The following PCNX1 variants were observed in gnomAD, a reference collection of about 807,000 sequenced individuals.
PCNX1 encodes the protein pecanex 1.
PCNX1 carries 78 observed loss-of-function variants against 242.2 expected under a neutral mutation model. That is an observed-to-expected ratio of 0.32 (90% confidence interval 0.27 to 0.39). The LOEUF (loss-of-function observed/expected upper bound fraction) is 0.39. PCNX1 is among the 10% of genes least tolerant of loss of function. PCNX1 has a pLI of 1.00. For synonymous variants in PCNX1, 1,024 were observed against 1,032.9 expected, an observed-to-expected ratio of 0.99 and a Z score of 0.17; for missense variants, 2,581 against 2,856.5, an observed-to-expected ratio of 0.90 and a Z score of 2.20.
intron 2 of PCNX1, among the ~76,000 whole-genome samples, chr14:70,947,347 A>G (rs149352356): frequency 0.011 from 1,703 of 152,276 alleles, 14 homozygotes; most frequent in South Asian, 0.017. Context: ...TCATTACTAG[A>G]CAGGTTAGAA....
At chr14:71,008,502 A>G (rs1490391131) in intron 8 of PCNX1, among the ~76,000 whole-genome samples, 1 of 151,860 alleles carries the variant, frequency 6.6e-6, no homozygotes, top group Non-Finnish European at 1.5e-5. Flanking sequence ...TAAAAATACG[A>G]AAAATTAGCC....
At chr14:70,937,938 T>G (rs2057078048) in intron 1 of PCNX1, among the ~76,000 whole-genome samples, 1 of 151,952 alleles carries the variant, frequency 6.6e-6, no homozygotes, top group Admixed American at 6.6e-5. Context: ...CTCTGTCTGT[T>G]ATTGGTATAT....
At chr14:71,102,248 C>A in intron 31 of PCNX1, 28 bp downstream of exon 31, 2 of 1,523,894 alleles carry the variant, frequency 1.3e-6, no homozygotes, top group Non-Finnish European at 9.1e-7. Flanking sequence ...TTATTTGGTC[C>A]AAAACATAGA....
In PCNX1 at chr14:71,026,132, A is replaced by G. The variant is rs376253730; in HGVS notation, c.3199A>G (p.Ile1067Val). 47 of 1,587,534 alleles carry G rather than the reference A, an allele frequency of 3.0e-5. 1 individual carries two copies. The highest frequency in any genetic ancestry group is 3.9e-5 in the Non-Finnish European group (45 of 1,166,954). Reference protein sequence around the residue: ...SSPRHGHNRIIAYSRPVYFCI... With the variant: ...SSPRHGHNRIVAYSRPVYFCI... ...TCATTTTCAGGGTCATAATCGTATCATTGCCTACAGTAGACCAGTTTATTT... is the reference window on the plus strand; with the variant it reads ...TCATTTTCAGGGTCATAATCGTATCGTTGCCTACAGTAGACCAGTTTATTT... Residue 1067 changes from isoleucine to valine, a missense_variant, in exon 14 of 36, where the codon ATT becomes GTT. By Grantham distance (29) the Ile-to-Val change is conservative. This residue lies in a region of PCNX1 where 432 missense variants were observed against 443.1 expected (regional missense o/e 0.97). Coordinates refer to ENST00000304743, the MANE Select transcript of PCNX1 (RefSeq NM_014982.3).
At chr14:70,919,692 TCCTCTGGTTTCTCTGCTCCCCCCCCCCC>T (rs1389134896) in intron 1 of PCNX1, among the ~76,000 whole-genome samples, 2 of 122,388 alleles carry the variant, frequency 1.6e-5, no homozygotes, top group African/African-American at 6.3e-5. Flanking sequence ...TGATTCTGGT[TCCTCTGGTTTCTCTGCTCCCCCCCCCCC>T]CCCCCCCCCA....
intron 28 of PCNX1, among the ~76,000 whole-genome samples, chr14:71,085,080 C>G (rs2061950942): frequency 1.3e-5 from 2 of 152,234 alleles, no homozygotes; most frequent in African/African-American, 4.8e-5. Context: ...ATCACAGCTT[C>G]CCTTGGCTAG....
intron 16 of PCNX1, chr14:71,031,716 C>G (rs1683929719): frequency 1.0e-6 from 1 of 999,680 alleles, no homozygotes; most frequent in Non-Finnish European, 1.6e-6. Context: ...GGCCTTTGGC[C>G]TTGAACTCTG....
At position 71,047,990 on chromosome 14, in the gene PCNX1, T is replaced by C; in HGVS notation, c.4338+6T>C. Reference sequence around the variant, plus strand: ...TGTCCATACTCTTCAACAAGGTAATTTATCACTGAAAGGAATATCCTTATC... The same window carrying C: ...TGTCCATACTCTTCAACAAGGTAATCTATCACTGAAAGGAATATCCTTATC... On this transcript the variant is annotated splice_donor_region_variant and intron_variant, in intron 22 of 35. Coordinates refer to ENST00000304743, the MANE Select transcript of PCNX1 (RefSeq NM_014982.3). 1 of 1,600,428 alleles carries C rather than the reference T, an allele frequency of 6.2e-7. No homozygotes were observed. The highest frequency in any genetic ancestry group is 8.5e-7 in the Non-Finnish European group (1 of 1,169,824).
At chr14:71,093,433 G>A (rs567496416) in intron 30 of PCNX1, 50 of 152,282 alleles carry the variant, frequency 3.3e-4, no homozygotes, top group African/African-American at 1.2e-3. Flanking sequence ...ATGGAGATGA[G>A]TGCTTCCAAA....
chr14:70,983,186 A>AG (rs1320305111), intron 6 of PCNX1, among the ~76,000 whole-genome samples: 1 of 152,244 alleles, frequency 6.6e-6, no homozygotes, highest in Non-Finnish European at 1.5e-5. Flanking sequence ...AGGACTAAAA[A>AG]GGATTAGAAA....
chr14:71,084,554 G>GGAATCCAGAGAGGCA (rs201539212), intron 28 of PCNX1, among the ~76,000 whole-genome samples: 2,162 of 152,312 alleles, frequency 0.014, 23 homozygotes, highest in Middle Eastern at 0.034. Flanking sequence ...CCAGAGAGGA[G>GGAATCCAGAGAGGCA]GAATCCAGAG....
intron 30 of PCNX1, among the ~76,000 whole-genome samples, chr14:71,094,608 A>T (rs926486931): frequency 6.6e-6 from 1 of 151,286 alleles, no homozygotes; most frequent in African/African-American, 2.5e-5. Context: ...AACCTTATGG[A>T]TTACATGTGC....
Position 70,908,010 on chromosome 14 carries a change from G to T in PCNX1, c.153+7G>T. The T allele has an allele frequency of 6.4e-7, 1 of 1,571,060 alleles. No individual in the cohort carries two copies. Among genetic ancestry groups the T allele is most frequent in the Non-Finnish European group, 8.6e-7 (1 of 1,162,024 alleles). ...GCCCTTCACCCTCTACATGGTGAGTGTGGGGGCGGGGAGCGGGTGGCTCCT... is the reference window on the plus strand; with the variant it reads ...GCCCTTCACCCTCTACATGGTGAGTTTGGGGGCGGGGAGCGGGTGGCTCCT... On this transcript the variant is annotated splice_region_variant and intron_variant, in intron 1 of 35. Transcript: ENST00000304743.
rs755564889 is a variant in PCNX1, at chr14:71,013,121, A to G, written c.2915A>G (p.His972Arg). Residue 972 changes from histidine (H) to arginine (R), a missense_variant, in exon 11 of 36, where the codon CAC (histidine) becomes CGC (arginine). His to Arg is a conservative substitution (Grantham distance 29). Coordinates refer to ENST00000304743, the MANE Select transcript of PCNX1 (RefSeq NM_014982.3). ...PTEEAAQKVK[H>R]YYRFWILPQL... ...GAAGAAGCTGCCCAAAAGGTTAAAC[A>G]CTATTATCGCTTTTGGATCCTACCC... 6 of 1,614,068 alleles carry G rather than the reference A, an allele frequency of 3.7e-6. No individual in the cohort carries two copies. The highest frequency in any genetic ancestry group is 2.2e-5 in the South Asian group (2 of 91,086).
intron 26 of PCNX1, among the ~76,000 whole-genome samples, chr14:71,065,166 T>TA (rs2061417036): frequency 6.6e-6 from 1 of 152,234 alleles, no homozygotes; most frequent in South Asian, 2.1e-4. Context: ...ATGGTTTTTC[T>TA]AGTTCTAGAT....
At chr14:71,063,305 A>C (rs189108851) in intron 26 of PCNX1, among the ~76,000 whole-genome samples, 89 of 152,296 alleles carry the variant, frequency 5.8e-4, no homozygotes, top group African/African-American at 2.0e-3. Flanking sequence ...TATCAAAACC[A>C]TTCTAAGCTT....
In PCNX1 at chr14:71,114,826, C is replaced by T. The variant is rs963806771; in HGVS notation, c.*4891C>T. ...TGAGGTGGTGCCCCGGAATTCACAA[C>T]AGAGTAGTGATAGAGCATAAGATGG... On this transcript the variant is annotated 3_prime_UTR_variant, in exon 36 of 36. Transcript: ENST00000304743. The T allele has an allele frequency of 6.7e-6, 1 of 150,292 alleles. No individual in the cohort carries two copies. The highest frequency in any genetic ancestry group is 1.5e-5 in the Non-Finnish European group (1 of 67,838). 9.3% of individuals were successfully genotyped at this position (150,292 alleles called of 1,614,324 possible). A position where few individuals can be genotyped will look rare whatever the true frequency, so the allele number is the denominator to read the frequency against.
At chr14:71,045,112 C>G in intron 19 of PCNX1, 21 bp from the exon 20 acceptor site, 1 of 1,531,332 alleles carries the variant, frequency 6.5e-7, no homozygotes, top group Non-Finnish European at 8.8e-7. Flanking sequence ...CTAATTTTAT[C>G]ACTTCTATTA....
intron 5 of PCNX1, among the ~76,000 whole-genome samples, chr14:70,974,699 A>G (rs918477011): frequency 1.3e-5 from 2 of 152,198 alleles, no homozygotes; most frequent in African/African-American, 4.8e-5. Flanking sequence ...TCTTGGCCAT[A>G]TTGCCAGATT....
Sources: allele counts gnomAD v4.1 joint callset (sites outside exome capture counted in the v4.1 genomes callset), GRCh38; gene constraint gnomAD v4.1.1; regional missense constraint gnomAD v4.1.1; transcripts MANE v1.5; gene names NCBI Gene and HGNC (gene_info 2026-07-23, HGNC 2026-07-21).